Variants in SPNS3 observed in about 807,000 individuals in gnomAD.
SPNS3 encodes the protein protein spinster homolog 3.
SPNS3 carries 51 observed loss-of-function variants against 54.4 expected under a neutral mutation model. The ratio of observed to expected loss-of-function variants is 0.94; its 90% CI spans 0.75 to 1.18. The LOEUF (loss-of-function observed/expected upper bound fraction) is 1.18, where lower values mean the gene tolerates loss of function less well. SPNS3 is among the 50% of genes most tolerant of loss of function. The pLI is 0.00. For synonymous variants in SPNS3, 309 were observed against 294.7 expected, an observed-to-expected ratio of 1.05 and a Z score of -0.50; for missense variants, 669 against 677.4, an observed-to-expected ratio of 0.99 and a Z score of 0.14.
Position 4,478,614 on chromosome 17 carries a change from G to A in SPNS3, c.1156G>A (p.Ala386Thr). The change falls in exon 9 of 12, where the codon GCA (alanine) becomes ACA (threonine). Residue 386 changes from alanine to threonine, a missense_variant. By Grantham distance (58) the Ala-to-Thr change is moderately conservative (BLOSUM62 0). Transcript: ENST00000355530. ...LGELLLSCNWAVVADILLSVV... is the reference protein window; with the variant it reads ...LGELLLSCNWTVVADILLSVV... ...GGAGCTGCTTCTGTCCTGCAACTGG[G>A]CAGTGGTTGCCGACATCCTGCTGGT... 6.3e-7 allele frequency: 1 copy of A among 1,590,014 alleles called. No individual in the cohort carries two copies. Among genetic ancestry groups the A allele is most frequent in the East Asian group, 2.3e-5 (1 of 44,198 alleles).
At chr17:4,474,232 G>A (rs1037931277) in intron 8 of SPNS3, among the ~76,000 whole-genome samples, 10 of 152,216 alleles carry the variant, frequency 6.6e-5, no homozygotes, top group East Asian at 1.9e-4. Flanking sequence ...GGCTGCTGCC[G>A]GCCCCTGGAA....
intron 8 of SPNS3, among the ~76,000 whole-genome samples, chr17:4,476,477 A>G (rs1325415153): frequency 6.6e-6 from 1 of 152,140 alleles, no homozygotes; most frequent in Non-Finnish European, 1.5e-5. Context: ...CCTGGGCTGC[A>G]CAGAGGTCAC....
intron 9 of SPNS3, among the ~76,000 whole-genome samples, chr17:4,485,400 ATT>A (rs35169625): frequency 7.1e-5 from 10 of 140,458 alleles, no homozygotes; most frequent in Admixed American, 1.4e-4. Flanking sequence ...TATTTTTTTT[ATT>A]TTTTTTTTTT....
At chr17:4,450,564 C>A (rs1971136099) in intron 7 of SPNS3, among the ~76,000 whole-genome samples, 1 of 151,772 alleles carries the variant, frequency 6.6e-6, no homozygotes, top group Non-Finnish European at 1.5e-5. Context: ...CAGGCACACG[C>A]CACCATGCCT....
At chr17:4,476,341 G>T (rs1030156079) in intron 8 of SPNS3, among the ~76,000 whole-genome samples, 2 of 152,208 alleles carry the variant, frequency 1.3e-5, no homozygotes, top group Admixed American at 6.5e-5. Context: ...CCTCTGATGG[G>T]CTCTATTTTG....
intron 9 of SPNS3, among the ~76,000 whole-genome samples, chr17:4,480,822 C>T (rs998358190): frequency 1.3e-5 from 1 of 77,258 alleles, no homozygotes; most frequent in African/African-American, 4.7e-5. Context: ...AGCCACAATG[C>T]TTTGCACCAC....
Position 4,448,305 on chromosome 17 carries a change from T to G in SPNS3, c.770+2T>G. On this transcript the variant is annotated splice_donor_variant, in intron 6 of 11. Transcript: ENST00000355530. LOFTEE classifies it high-confidence loss of function. ...GGACGTCAGATACCTGGGGAAAAAG[T>G]GAGTATCCCTGCTACCCCCTGCAAG... The G allele has an allele frequency of 6.4e-7, 1 of 1,555,646 alleles. No individual in the cohort carries two copies. Among genetic ancestry groups the G allele is most frequent in the Non-Finnish European group, 8.7e-7 (1 of 1,151,218 alleles).
chr17:4,438,200 C>G (rs540598859), intron 1 of SPNS3, among the ~76,000 whole-genome samples: 1 of 152,112 alleles, frequency 6.6e-6, no homozygotes, highest in Non-Finnish European at 1.5e-5. Context: ...CTGCGGGGAC[C>G]CACTTGGGGG....
At chr17:4,482,457 C>T (rs1246060824) in intron 9 of SPNS3, 1 of 152,194 alleles carries the variant, frequency 6.6e-6, no homozygotes, top group East Asian at 1.9e-4. Flanking sequence ...GCTTTGAGAA[C>T]ACTGGTCTCA....
At chr17:4,448,416 C>T in intron 6 of SPNS3, 113 bp downstream of exon 6, 2 of 1,055,550 alleles carry the variant, frequency 1.9e-6, no homozygotes, top group Non-Finnish European at 2.6e-6. Context: ...TCCCAGTGTT[C>T]ACAGCCCTCC....
At chr17:4,477,971 T>C (rs28591155) in intron 8 of SPNS3, among the ~76,000 whole-genome samples, 2 of 31,082 alleles carry the variant, frequency 6.4e-5, no homozygotes, top group Non-Finnish European at 1.2e-4. Flanking sequence ...TCACTTTTCC[T>C]TTTTTTTTTT....
In SPNS3 at chr17:4,486,456, G is replaced by A. The variant is rs772133672; in HGVS notation, c.1323G>A (p.Gln441=). 1.7e-5 allele frequency: 27 copies of A among 1,612,750 alleles called. No individual in the cohort carries two copies. Among genetic ancestry groups the A allele is most frequent in the Non-Finnish European group, 2.2e-5 (26 of 1,179,584 alleles). ...CCAGGCGCCCTGACTCCTATCTGCA[G>A]CGCTTCCGCAGCCTGCAGCAGAGCT... The part of the protein sequence containing the change: ...LRARRPDSYL[Q]RFRSLQQSFL... The change falls in exon 11 of 12, where the codon CAG becomes CAA. Residue 441 remains glutamine, a synonymous_variant. Coordinates refer to ENST00000355530, the MANE Select transcript of SPNS3 (RefSeq NM_182538.5). This position sits in a 1 kb window ranked among gnomAD's most constrained non-coding sequence, Gnocchi z 5.5.
intron 9 of SPNS3, among the ~76,000 whole-genome samples, chr17:4,479,899 C>T (rs977140498): frequency 2.6e-5 from 4 of 152,238 alleles, no homozygotes; most frequent in African/African-American, 7.2e-5. Flanking sequence ...ATCCATCTGC[C>T]TGGCACAGAG....
chr17:4,452,889 C>T, intron 7 of SPNS3, 127 bp from the exon 8 acceptor site: 1 of 877,600 alleles, frequency 1.1e-6, no homozygotes, highest in South Asian at 1.7e-5. Context: ...GGCCCACAGC[C>T]ATATTCCCTG....
In SPNS3 at chr17:4,440,794, G is replaced by A. The variant is rs1318789983; in HGVS notation, c.265+1071G>A. On this transcript the variant is annotated intron_variant, in intron 2 of 11. Transcript: ENST00000355530. ...CAAAGCAGAGAGCATCAAGAGAAAC[G>A]TGCTGGGGAGATTTGCCCCAGGCTA... 3.9e-5 allele frequency among the ~76,000 whole-genome samples: 6 copies of A among 152,294 alleles called. 1 individual carries two copies. Among genetic ancestry groups the A allele is most frequent in the Middle Eastern group, 3.4e-3 (1 of 294 alleles).
chr17:4,457,947 A>G (rs1971358051), intron 8 of SPNS3, among the ~76,000 whole-genome samples: 1 of 152,068 alleles, frequency 6.6e-6, no homozygotes, highest in African/African-American at 2.4e-5. Flanking sequence ...TGGGTCTGGC[A>G]TGGTACCCAC....
In SPNS3 at chr17:4,445,164, C is replaced by T; in HGVS notation, c.398C>T (p.Pro133Leu). The change falls in exon 3 of 12, where the codon CCC becomes CTC. Residue 133 changes from proline (P) to leucine (L), a missense_variant. Physicochemically the swap from Pro to Leu is moderately conservative, Grantham distance 98. Transcript: ENST00000355530. ...GAGLSSSFISPRYSWLFFLSR... is the reference protein window; with the variant it reads ...GAGLSSSFISLRYSWLFFLSR... ...GGCCTCTCTAGCTCCTTCATCTCCC[C>T]CCGGGTACGTGTCCATGCCCCTGTC... 1 of 1,612,370 alleles carries T rather than the reference C, an allele frequency of 6.2e-7. No individual in the cohort carries two copies. Among genetic ancestry groups the T allele is most frequent in the South Asian group, 1.1e-5 (1 of 90,884 alleles).
intron 8 of SPNS3, among the ~76,000 whole-genome samples, chr17:4,478,365 C>T (rs1972065245): frequency 6.6e-6 from 1 of 152,128 alleles, no homozygotes; most frequent in South Asian, 2.1e-4. Context: ...GCTGGACACT[C>T]GCTTATGGGT....
rs376870658 is a variant in SPNS3, at chr17:4,483,050, G to A, written c.1180-3178G>A. Among the ~76,000 whole-genome samples, 4 of 152,244 alleles carry A rather than the reference G, an allele frequency of 2.6e-5. No individual in the cohort carries two copies. Among genetic ancestry groups the A allele is most frequent in the East Asian group, 3.9e-4 (2 of 5,168 alleles). ...TTCCCCGGAGAGTTGTCACCTCTGC[G>A]TTCTCCCCCTGCCCCAGGTCTCCAT... is the stretch of plus-strand genomic sequence containing the variant. On this transcript the variant is annotated intron_variant, in intron 9 of 11. Coordinates refer to ENST00000355530, the MANE Select transcript of SPNS3 (RefSeq NM_182538.5). This position sits in a 1 kb window ranked among gnomAD's most constrained non-coding sequence, Gnocchi z 4.2.
Sources: gnomAD v4.1 joint callset for allele counts (sites outside exome capture counted in the v4.1 genomes callset) on GRCh38, gnomAD v4.1.1 for gene constraint, Gnocchi (gnomAD v3.1) non-coding constraint, MANE v1.5 for transcripts, NCBI Gene and HGNC (gene_info 2026-07-23, HGNC 2026-07-21) for gene names.